The following BTBD10 variants were observed in gnomAD, a reference collection of about 807,000 sequenced individuals.
BTBD10 encodes the protein BTB/POZ domain-containing protein 10.
In BTBD10, 21 loss-of-function variants were observed where a neutral mutation model predicts 53.2. The observed-to-expected ratio is 0.39, with a 90% confidence interval of 0.28 to 0.57. The LOEUF is 0.57. Among genes scored for constraint, BTBD10 ranks in the 20% least tolerant of loss-of-function variants. The pLI is 0.53. For synonymous variants in BTBD10, 149 were observed against 192.7 expected (o/e 0.77, Z 1.88); for missense variants, 360 against 594.7 (o/e 0.61, Z 4.10).
intron 6 of BTBD10, among the ~76,000 whole-genome samples, chr11:13,410,201 T>C (rs1193058687): frequency 6.6e-6 from 1 of 151,946 alleles, no homozygotes; most frequent in East Asian, 1.9e-4. Flanking sequence ...GATAAAAAGG[T>C]AGAAATCCCC....
At chr11:13,424,445 C>T (rs1308882830) in intron 2 of BTBD10, among the ~76,000 whole-genome samples, 1 of 152,128 alleles carries the variant, frequency 6.6e-6, no homozygotes, top group Admixed American at 6.5e-5. Context: ...ATAGACTGAA[C>T]CCTGAATCAG....
At chr11:13,442,114 C>T (rs1055415406) in intron 2 of BTBD10, among the ~76,000 whole-genome samples, 2 of 152,204 alleles carry the variant, frequency 1.3e-5, no homozygotes, top group South Asian at 4.1e-4. Flanking sequence ...AACATGCACC[C>T]GCCATTGCCT....
intron 2 of BTBD10, chr11:13,439,806 C>A (rs755236907): frequency 8.6e-7 from 1 of 1,162,198 alleles, no homozygotes; most frequent in Non-Finnish European, 1.2e-6. Flanking sequence ...TCACACATAT[C>A]CCTCTCAATC....
chr11:13,394,909 G>A (rs185755355), intron 8 of BTBD10, among the ~76,000 whole-genome samples: 22,277 of 149,056 alleles, frequency 0.15, 1,869 homozygotes, highest in Admixed American at 0.23. Context: ...TCCATGGTGT[G>A]TATGTGCCAC....
chr11:13,409,027 C>A (rs1488403240), intron 6 of BTBD10, among the ~76,000 whole-genome samples: 1 of 152,124 alleles, frequency 6.6e-6, no homozygotes, highest in African/African-American at 2.4e-5. Flanking sequence ...TTTGTTCAAA[C>A]CCGTCCCATA....
chr11:13,390,942 G>A (rs904225881), intron 8 of BTBD10, among the ~76,000 whole-genome samples: 10 of 152,166 alleles, frequency 6.6e-5, no homozygotes, highest in African/African-American at 2.4e-4. Context: ...ACCTCTGAAG[G>A]CAGCACCAGA....
intron 2 of BTBD10, among the ~76,000 whole-genome samples, chr11:13,427,521 A>G (rs1347540555): frequency 6.6e-6 from 1 of 152,162 alleles, no homozygotes; most frequent in Admixed American, 6.5e-5. Context: ...CAATTCCACA[A>G]TTATCATCAG....
At chr11:13,429,378 T>G (rs1231591030) in intron 2 of BTBD10, among the ~76,000 whole-genome samples, 1 of 152,164 alleles carries the variant, frequency 6.6e-6, no homozygotes, top group East Asian at 1.9e-4. Context: ...TAACATGATC[T>G]GATTTCAAGA....
At chr11:13,393,813 TCA>T (rs1252857231) in intron 8 of BTBD10, among the ~76,000 whole-genome samples, 1 of 152,132 alleles carries the variant, frequency 6.6e-6, no homozygotes, top group African/African-American at 2.4e-5. Flanking sequence ...TCAAAACCAC[TCA>T]CAGACTCAAA....
chr11:13,399,147 A>G (rs1949641973), intron 8 of BTBD10, among the ~76,000 whole-genome samples: 1 of 152,202 alleles, frequency 6.6e-6, no homozygotes, highest in African/African-American at 2.4e-5. Context: ...AGTGTTTTCC[A>G]ACTTGGTTCC....
rs776347016 is a variant in BTBD10, at chr11:13,443,318, GT to G, written c.101+1705del. ...TTACAGCTATCAAGAAGAGCTTTGA[GT>G]ATTTGTTACTGACAATGAAACAACA... is the stretch of plus-strand genomic sequence containing the variant. On this transcript the variant is annotated intron_variant, in intron 2 of 8. Transcript: ENST00000278174. Among the ~76,000 whole-genome samples, 28 of 151,308 alleles carry G rather than the reference GT, an allele frequency of 1.9e-4. 1 individual carries two copies. The East Asian group carries it at 4.1e-3, about 22-fold the overall frequency.
At chr11:13,453,221 G>T (rs768900955) in intron 1 of BTBD10, among the ~76,000 whole-genome samples, 21 of 151,644 alleles carry the variant, frequency 1.4e-4, no homozygotes, top group African/African-American at 5.1e-4. Flanking sequence ...AAGCTAAAAA[G>T]CAAGACACAG....
chr11:13,444,334 T>C (rs1950716915), intron 2 of BTBD10, among the ~76,000 whole-genome samples: 1 of 152,164 alleles, frequency 6.6e-6, no homozygotes, highest in Non-Finnish European at 1.5e-5. Flanking sequence ...TCATAGAAGA[T>C]ATTGCTTTAT....
intron 8 of BTBD10, among the ~76,000 whole-genome samples, chr11:13,401,124 G>T (rs1949708117): frequency 6.7e-6 from 1 of 148,976 alleles, no homozygotes. Flanking sequence ...TTATATATCA[G>T]ATATATATAT....
intron 2 of BTBD10, among the ~76,000 whole-genome samples, chr11:13,430,970 T>TACACACACACACAC (rs1387664736): frequency 6.8e-5 from 1 of 14,682 alleles, no homozygotes; most frequent in Non-Finnish European, 1.7e-4. Context: ...TTTATGGAGA[T>TACACACACACACAC]ACATACACAC....
intron 2 of BTBD10, among the ~76,000 whole-genome samples, chr11:13,434,559 A>G (rs1403490144): frequency 2.0e-5 from 3 of 152,232 alleles, no homozygotes; most frequent in Non-Finnish European, 2.9e-5. Context: ...AGACTAGAAC[A>G]AGATTATGAC....
chr11:13,419,356 A>C, intron 4 of BTBD10, 104 bp downstream of exon 4: 5 of 1,416,688 alleles, frequency 3.5e-6, no homozygotes. Flanking sequence ...GTAAAACAGA[A>C]ATGTTACATT....
chr11:13,445,969 A>C (rs993408828), intron 1 of BTBD10, among the ~76,000 whole-genome samples: 8 of 152,162 alleles, frequency 5.3e-5, no homozygotes, highest in Non-Finnish European at 8.8e-5. Context: ...AAAGCCTCAG[A>C]ATTTTAGTAA....
intron 6 of BTBD10, among the ~76,000 whole-genome samples, chr11:13,407,420 T>G (rs1949856164): frequency 6.6e-6 from 1 of 152,118 alleles, no homozygotes; most frequent in South Asian, 2.1e-4. Context: ...TTACCGTCTC[T>G]AACTCTCTCC....
Sources: gnomAD v4.1 joint callset for allele counts (sites outside exome capture counted in the v4.1 genomes callset) on GRCh38, gnomAD v4.1.1 for gene constraint, MANE v1.5 for transcripts, NCBI Gene and HGNC (gene_info 2026-07-23, HGNC 2026-07-21) for gene names.